The following GLB1 variants were observed in gnomAD, a reference collection of about 807,000 sequenced individuals.
GLB1 encodes the protein galactosidase beta 1, also known as beta-galactosidase.
A neutral mutation model predicts 74.0 loss-of-function variants in GLB1; 56 were observed. That is an observed-to-expected ratio of 0.76 (90% CI 0.61 to 0.94). The LOEUF is 0.94. GLB1 is among the 40% of genes least tolerant of loss of function. The pLI, the probability that GLB1 is intolerant of heterozygous loss-of-function variation, is 0.00. For synonymous variants in GLB1, 323 were observed against 323.6 expected, an observed-to-expected ratio of 1.00 and a Z score of 0.02; for missense variants, 787 against 845.5, an observed-to-expected ratio of 0.93 and a Z score of 0.86.
chr3:33,068,036 C>G (rs899670141), intron 4 of GLB1, among the ~76,000 whole-genome samples, 194 bp downstream of exon 4: 2 of 152,176 alleles, frequency 1.3e-5, no homozygotes, highest in Non-Finnish European at 2.9e-5. Flanking sequence ...CAGGCGCCCA[C>G]CACCATGCCC....
downstream of GLB1, among the ~76,000 whole-genome samples, chr3:32,991,803 T>G (rs1239884694): frequency 1.3e-5 from 2 of 152,212 alleles, no homozygotes; most frequent in Admixed American, 1.3e-4. Flanking sequence ...TGCCAGATGG[T>G]TCTGGTACCC....
the GLB1 span, among the ~76,000 whole-genome samples, chr3:32,978,941 T>G: frequency 6.7e-6 from 1 of 148,634 alleles, no homozygotes; most frequent in African/African-American, 2.5e-5. Flanking sequence ...TTTTTTTTTT[T>G]TGTATTTTTA....
intron 12 of GLB1, among the ~76,000 whole-genome samples, chr3:33,020,523 T>G (rs1485109617): frequency 6.6e-6 from 1 of 152,214 alleles, no homozygotes; most frequent in Non-Finnish European, 1.5e-5. Context: ...CCAAAATGTC[T>G]TACTGAATCT....
chr3:32,978,940 T>G, the GLB1 span, among the ~76,000 whole-genome samples: 1 of 150,064 alleles, frequency 6.7e-6, no homozygotes, highest in Non-Finnish European at 1.5e-5. Flanking sequence ...TTTTTTTTTT[T>G]TTGTATTTTT....
Position 33,042,389 on chromosome 3 carries a change from T to TTTTC in GLB1, c.1068+3730_1068+3731insGAAA, listed in dbSNP as rs1553609327. On this transcript the variant is annotated intron_variant, in intron 10 of 15. Coordinates refer to ENST00000307363, the MANE Select transcript of GLB1 (RefSeq NM_000404.4). Reference sequence around the variant, plus strand: ...CTCCTCCTTTTTTTTTTTTTTTTTTTCCAAGTCTCGCTCTGTCGCCCAGGC... The same window carrying TTTTC: ...CTCCTCCTTTTTTTTTTTTTTTTTTTTTTCCCAAGTCTCGCTCTGTCGCCCAGGC... Among the ~76,000 whole-genome samples, 114 of 146,634 alleles carry TTTTC rather than the reference T, an allele frequency of 7.8e-4. 3 individuals are homozygous for TTTTC. Among genetic ancestry groups the TTTTC allele is most frequent in the African/African-American group, 2.9e-3 (113 of 39,522 alleles).
At chr3:32,969,038 G>C in the GLB1 span, among the ~76,000 whole-genome samples, 1 of 152,216 alleles carries the variant, frequency 6.6e-6, no homozygotes, top group East Asian at 1.9e-4. Context: ...CTTCATTGCT[G>C]TGTGGATGTG....
At chr3:32,983,596 A>G in the GLB1 span, among the ~76,000 whole-genome samples, 1 of 152,102 alleles carries the variant, frequency 6.6e-6, no homozygotes, top group Non-Finnish European at 1.5e-5. Context: ...ATTTGTCTCT[A>G]TGGTCTTATG....
chr3:33,039,323 T>C (rs554880559), intron 10 of GLB1, among the ~76,000 whole-genome samples: 205 of 148,404 alleles, frequency 1.4e-3, no homozygotes, highest in Non-Finnish European at 2.5e-3. Flanking sequence ...AAAAAAGCCA[T>C]TGAAACAGAC....
At chr3:33,061,463 C>T (rs1699439867) in intron 5 of GLB1, among the ~76,000 whole-genome samples, 1 of 152,084 alleles carries the variant, frequency 6.6e-6, no homozygotes, top group Non-Finnish European at 1.5e-5. Flanking sequence ...GGTGTTGCAG[C>T]CATAGAGGTC....
chr3:32,983,235 CAT>C, the GLB1 span, among the ~76,000 whole-genome samples: 1 of 152,296 alleles, frequency 6.6e-6, no homozygotes, highest in South Asian at 2.1e-4. Flanking sequence ...AGATTAAGCA[CAT>C]GTTTAATCAT....
Position 33,051,234 on chromosome 3 carries a change from A to AG in GLB1, c.955+523_955+524insC, listed in dbSNP as rs71070116. On this transcript the variant is annotated intron_variant, in intron 9 of 15. Coordinates refer to ENST00000307363, the MANE Select transcript of GLB1 (RefSeq NM_000404.4). ...GGGCGACAGAGCGAGACTGCGTCTC[A>AG]AAAAAAAAAAAAAAAAAAAAAAGTA... Among the ~76,000 whole-genome samples, 211 of 60,320 alleles carry AG rather than the reference A, an allele frequency of 3.5e-3. 23 individuals carry two copies. The highest frequency in any genetic ancestry group is 7.9e-3 in the Middle Eastern group (1 of 126). The allele number at this position is 60,320 out of a possible 152,430, so 39.6% of individuals were successfully genotyped here.
chr3:33,053,864 T>C (rs1347625305), intron 6 of GLB1, among the ~76,000 whole-genome samples: 2 of 151,918 alleles, frequency 1.3e-5, no homozygotes, highest in Non-Finnish European at 2.9e-5. Flanking sequence ...AATACAAAAA[T>C]TAGCCAGGCA....
At chr3:33,074,023 CAA>C (rs61415844) in intron 1 of GLB1, among the ~76,000 whole-genome samples, 15 of 81,658 alleles carry the variant, frequency 1.8e-4, no homozygotes, top group Non-Finnish European at 1.9e-4. Context: ...GACATTGTCT[CAA>C]AAAAAAAAAA....
chr3:33,035,488 C>G (rs1217959872), intron 10 of GLB1, among the ~76,000 whole-genome samples: 1 of 151,982 alleles, frequency 6.6e-6, no homozygotes, highest in African/African-American at 2.4e-5. Context: ...ATGGACTGAA[C>G]ATTTGTGTCC....
chr3:33,093,906 T>C lies in GLB1; in HGVS notation c.75+3105A>G, dbSNP rs753955295. 3 of 1,613,878 alleles carry C rather than the reference T, an allele frequency of 1.9e-6. No individual in the cohort carries two copies. The highest frequency in any genetic ancestry group is 2.7e-5 in the African/African-American group (2 of 74,930). ...AAAGAACATGGTAAAGAAACTGGAA[T>C]GGGCCAGGGCCAGAAATGCCAGAAC... On this transcript the variant is annotated intron_variant, in intron 1 of 15. Coordinates refer to ENST00000307363, the MANE Select transcript of GLB1 (RefSeq NM_000404.4). The surrounding 1 kb of genome is among the most constrained non-coding windows in gnomAD (Gnocchi z 6.0).
At chr3:33,052,059 A>C in intron 7 of GLB1, 55 bp from the exon 8 acceptor site, 1 of 1,605,928 alleles carries the variant, frequency 6.2e-7, no homozygotes. Context: ...TTCCAATGCC[A>C]GGGCTTCCCT....
downstream of GLB1, among the ~76,000 whole-genome samples, chr3:32,993,823 G>A (rs559019691): frequency 1.3e-4 from 19 of 151,936 alleles, no homozygotes; most frequent in East Asian, 7.8e-4. Flanking sequence ...GTGAGTCACC[G>A]CACCTGGCCT....
Position 33,096,901 on chromosome 3 carries a change from G to A in GLB1, c.75+110C>T, listed in dbSNP as rs948191415. 4 of 1,509,486 alleles carry A rather than the reference G, an allele frequency of 2.6e-6. No individual in the cohort carries two copies. The Admixed American group carries it at 6.4e-5, about 24-fold the overall frequency. 93.5% of individuals were successfully genotyped at this position (1,509,486 alleles called of 1,614,324 possible). ...GCGAGCCTGCTGGGGGGCACTTCGG[G>A]GCTCAGGCTCCCCGCCCTGCGGGAC... On this transcript the variant is annotated intron_variant, in intron 1 of 15. Coordinates refer to ENST00000307363, the MANE Select transcript of GLB1 (RefSeq NM_000404.4).
At chr3:33,074,134 T>G (rs1355670940) in intron 1 of GLB1, among the ~76,000 whole-genome samples, 6 of 147,864 alleles carry the variant, frequency 4.1e-5, no homozygotes, top group Non-Finnish European at 8.9e-5. Flanking sequence ...GGTCAGGAGA[T>G]CGAAAGCATC....
Sources: gnomAD v4.1 joint callset for allele counts (sites outside exome capture counted in the v4.1 genomes callset) on GRCh38, gnomAD v4.1.1 for gene constraint, Gnocchi (gnomAD v3.1) non-coding constraint, MANE v1.5 for transcripts, NCBI Gene and HGNC (gene_info 2026-07-23, HGNC 2026-07-21) for gene names.